ZSCAN25: variants seen among roughly 807,000 people sequenced by gnomAD.
ZSCAN25 encodes the protein zinc finger and SCAN domain containing 25, also known as zinc finger and SCAN domain-containing protein 25.
In ZSCAN25, 27 loss-of-function variants were observed where a neutral mutation model predicts 38.7. The ratio of observed to expected loss-of-function variants is 0.70; its 90% CI spans 0.51 to 0.96. The LOEUF is 0.96. Among genes scored for constraint, ZSCAN25 ranks in the 40% least tolerant of loss-of-function variants. The pLI is 0.00. For synonymous variants in ZSCAN25, 273 were observed against 277.7 expected (o/e 0.98, Z 0.17); for missense variants, 637 against 705.9 (o/e 0.90, Z 1.11).
chr7:99,659,561 C>T, the ZSCAN25 span: 1 of 153,752 alleles, frequency 6.5e-6, no homozygotes, highest in African/African-American at 2.4e-5. Flanking sequence ...GTTCTCAGAT[C>T]TCCAGCTGTG....
chr7:99,660,444 G>T, the ZSCAN25 span: 2 of 1,527,166 alleles, frequency 1.3e-6, no homozygotes, highest in Non-Finnish European at 1.8e-6. Flanking sequence ...TGGTGAGGAG[G>T]CATTTTTGCT....
At chr7:99,731,284 A>T in the ZSCAN25 span, 1 of 979,592 alleles carries the variant, frequency 1.0e-6, no homozygotes, top group African/African-American at 1.7e-5. Flanking sequence ...AATAACAGTA[A>T]CTCTGACGGC....
rs745547585 is a variant in ZSCAN25 at position 99,619,696 on chromosome 7, C to G, written c.90C>G (p.Gly30=). 1 of 1,614,230 alleles carries G rather than the reference C, an allele frequency of 6.2e-7. No individual in the cohort carries two copies. The highest frequency in any genetic ancestry group is 1.3e-5 in the African/African-American group (1 of 75,056). ...VVKLEKELPW[G]RGREDPSPET... ...AACTGGAGAAAGAGTTGCCATGGGG[C>G]AGAGGAAGGGAGGACCCTAGTCCAG... Residue 30 remains glycine, a synonymous_variant, in exon 4 of 8, where the codon GGC becomes GGG. Transcript: ENST00000394152.
At chr7:99,693,987 C>CAG in the ZSCAN25 span, among the ~76,000 whole-genome samples, 1 of 152,158 alleles carries the variant, frequency 6.6e-6, no homozygotes, top group Non-Finnish European at 1.5e-5. Flanking sequence ...GGAGAGAAAA[C>CAG]AGAGGAGGTA....
At chr7:99,637,448 A>G in the ZSCAN25 span, among the ~76,000 whole-genome samples, 1 of 152,186 alleles carries the variant, frequency 6.6e-6, no homozygotes, top group Non-Finnish European at 1.5e-5. Flanking sequence ...AGTGGAAAAA[A>G]AAAGTGTGTC....
Position 99,629,419 on chromosome 7 carries a change from G to A in ZSCAN25, c.1034G>A (p.Trp345Ter). The A allele has an allele frequency of 1.9e-6, 3 of 1,614,188 alleles. No homozygotes were observed. The highest frequency in any genetic ancestry group is 2.5e-6 in the Non-Finnish European group (3 of 1,180,024). Reference sequence around the variant, plus strand: ...GAAGTCAAAACCCACAGCTCCTTCTGGAAGCCTTTCCAGTGCCCTGAGTGT... The same window carrying A: ...GAAGTCAAAACCCACAGCTCCTTCTAGAAGCCTTTCCAGTGCCCTGAGTGT... ...PDEVKTHSSF[W>*]KPFQCPECGK... Residue 345 changes from tryptophan to a stop codon, truncating the protein, a stop_gained, in exon 8 of 8, where the codon TGG becomes TAG. Coordinates refer to ENST00000394152, the MANE Select transcript of ZSCAN25 (RefSeq NM_145115.3). LOFTEE classifies it high-confidence loss of function. The surrounding 1 kb of genome is among the most constrained non-coding windows in gnomAD (Gnocchi z 5.6).
chr7:99,716,293 G>A, the ZSCAN25 span, among the ~76,000 whole-genome samples: 1 of 152,176 alleles, frequency 6.6e-6, no homozygotes, highest in Non-Finnish European at 1.5e-5. Context: ...AGGGGCTCAA[G>A]ACAGGTGACA....
chr7:99,732,125 G>C, the ZSCAN25 span, among the ~76,000 whole-genome samples: 1 of 152,148 alleles, frequency 6.6e-6, no homozygotes. Flanking sequence ...GTTTCTCATG[G>C]TTTCACACCA....
chr7:99,649,770 C>T, the ZSCAN25 span, among the ~76,000 whole-genome samples: 1 of 152,194 alleles, frequency 6.6e-6, no homozygotes, highest in African/African-American at 2.4e-5. Flanking sequence ...GTAATCATTG[C>T]ACTTCATGAT....
the ZSCAN25 span, chr7:99,638,209 C>G: frequency 3.4e-6 from 5 of 1,470,888 alleles, no homozygotes; most frequent in East Asian, 2.4e-5. Flanking sequence ...TTTGATTTCT[C>G]TCCTTCCAGG....
chr7:99,710,722 G>C, the ZSCAN25 span: 1 of 1,613,752 alleles, frequency 6.2e-7, no homozygotes, highest in Non-Finnish European at 8.5e-7. Context: ...TCCATGTACT[G>C]TCCACTCACC....
At chr7:99,676,076 C>T in the ZSCAN25 span, 1 of 1,572,660 alleles carries the variant, frequency 6.4e-7, no homozygotes, top group Non-Finnish European at 8.7e-7. Context: ...CTGATGTTTG[C>T]AACCATAAGA....
Position 99,620,003 on chromosome 7 carries a change from G to C in ZSCAN25, c.387+10G>C. The C allele has an allele frequency of 6.2e-7, 1 of 1,606,340 alleles. No homozygotes were observed. Among genetic ancestry groups the C allele is most frequent in the Non-Finnish European group, 8.5e-7 (1 of 1,177,396 alleles). ...ACTGGAGGCCAAGGCGGTGGGTGAG[G>C]AGGGGATCCAGGTCTGGCGCCCTTG... On this transcript the variant is annotated intron_variant, in intron 4 of 7. Transcript: ENST00000394152.
chr7:99,714,427 C>G, the ZSCAN25 span: 10 of 1,427,054 alleles, frequency 7.0e-6, no homozygotes, highest in Admixed American at 1.9e-4. Context: ...TTATCTTGCT[C>G]TAAACATAAG....
chr7:99,653,958 C>T, the ZSCAN25 span, among the ~76,000 whole-genome samples: 3 of 152,290 alleles, frequency 2.0e-5, no homozygotes, highest in East Asian at 1.9e-4. This position sits in a 1 kb window ranked among gnomAD's most constrained non-coding sequence, Gnocchi z 4.2. Context: ...GCCTCCATCG[C>T]GCCCCCAGGG....
At chr7:99,725,314 A>C in the ZSCAN25 span, among the ~76,000 whole-genome samples, 1 of 152,136 alleles carries the variant, frequency 6.6e-6, no homozygotes. Context: ...ATCTCCAAAA[A>C]TTGGATTCCA....
the ZSCAN25 span, chr7:99,707,679 G>A: frequency 1.4e-6 from 2 of 1,432,370 alleles, no homozygotes; most frequent in East Asian, 5.0e-5. Context: ...ATCATAGATG[G>A]GTCCAAATAG....
At chr7:99,721,909 C>T in the ZSCAN25 span, among the ~76,000 whole-genome samples, 1 of 152,210 alleles carries the variant, frequency 6.6e-6, no homozygotes, top group African/African-American at 2.4e-5. Context: ...AAGCCCAACC[C>T]AACCTTACAC....
chr7:99,629,825 C>T lies in ZSCAN25; in HGVS notation c.1440C>T (p.His480=), dbSNP rs1311955992. 6.2e-7 allele frequency: 1 copy of T among 1,614,092 alleles called. No homozygotes were observed. The highest frequency in any genetic ancestry group is 8.5e-7 in the Non-Finnish European group (1 of 1,180,040). The change falls in exon 8 of 8, where the codon CAC becomes CAT. Residue 480 remains histidine, a synonymous_variant. Transcript: ENST00000394152. This position sits in a 1 kb window ranked among gnomAD's most constrained non-coding sequence, Gnocchi z 5.6. ...NANLAVHRRA[H]TGEKPYGCQV... ...ATCTGGCGGTGCACCGGCGTGCCCA[C>T]ACTGGCGAGAAGCCATATGGGTGCC...
Sources: allele counts gnomAD v4.1 joint callset (sites outside exome capture counted in the v4.1 genomes callset), GRCh38; gene constraint gnomAD v4.1.1; non-coding constraint Gnocchi (gnomAD v3.1); transcripts MANE v1.5; gene names NCBI Gene and HGNC (gene_info 2026-07-23, HGNC 2026-07-21).